The following MSRA variants were observed in gnomAD, a reference collection of about 807,000 sequenced individuals.
MSRA encodes methionine sulfoxide reductase A, also known as mitochondrial peptide methionine sulfoxide reductase.
In MSRA, 54 loss-of-function variants were observed where a neutral mutation model predicts 31.3. The ratio of observed to expected loss-of-function variants is 1.73; its 90% CI spans 1.39 to 2.17. The LOEUF (loss-of-function observed/expected upper bound fraction) is 2.17. Ranked by LOEUF, MSRA falls within the 30% of genes most tolerant of loss-of-function variation. The pLI, the probability that MSRA is intolerant of heterozygous loss-of-function variation, is 0.00. For missense variants in MSRA, 507 were observed against 300.9 expected (o/e 1.69, Z -5.07); for synonymous variants, 169 against 116.5 (o/e 1.45, Z -2.90).
chr8:10,192,241 A>G (rs1401103091), intron 1 of MSRA, among the ~76,000 whole-genome samples: 1 of 152,224 alleles, frequency 6.6e-6, no homozygotes, highest in Non-Finnish European at 1.5e-5. Context: ...TTCGGCCTAC[A>G]CTCAAAGGAA....
chr8:10,327,879 G>C (rs1802454642), intron 5 of MSRA, among the ~76,000 whole-genome samples: 1 of 152,112 alleles, frequency 6.6e-6, no homozygotes, highest in African/African-American at 2.4e-5. Context: ...CTTGCAGTGA[G>C]CTGAGATTGC....
intron 5 of MSRA, among the ~76,000 whole-genome samples, chr8:10,365,499 G>A (rs1462511355): frequency 2.6e-5 from 4 of 152,152 alleles, no homozygotes; most frequent in Non-Finnish European, 2.9e-5. Context: ...AATACCAAAT[G>A]GGTATAAAAA....
chr8:10,104,448 C>G (rs756864708), intron 1 of MSRA, among the ~76,000 whole-genome samples: 1 of 152,096 alleles, frequency 6.6e-6, no homozygotes, highest in Admixed American at 6.6e-5. Flanking sequence ...CATTCAATAC[C>G]TGTAAGATGT....
intron 3 of MSRA, among the ~76,000 whole-genome samples, chr8:10,285,807 C>A (rs549816045): frequency 5.3e-5 from 8 of 152,170 alleles, no homozygotes; most frequent in Non-Finnish European, 1.0e-4. Flanking sequence ...TCTATGTTAT[C>A]TTAAATGACA....
In MSRA at chr8:10,399,642, A is replaced by G. The variant is rs1021157703; in HGVS notation, c.544-28506A>G. Among the ~76,000 whole-genome samples the G allele has an allele frequency of 2.0e-5, 3 of 152,320 alleles. No individual in the cohort carries two copies. In the South Asian group the frequency reaches 6.2e-4, roughly 32 times the overall value. On this transcript the variant is annotated intron_variant, in intron 5 of 5. Coordinates refer to ENST00000317173, the MANE Select transcript of MSRA (RefSeq NM_012331.5). ...CCAATTCAACCTCTTTTCTTTACAA[A>G]TTACCCAGCCTCTGATATTTATTTA... is the stretch of plus-strand genomic sequence containing the variant.
intron 3 of MSRA, among the ~76,000 whole-genome samples, chr8:10,300,259 C>CT (rs924457893): frequency 1.7e-4 from 26 of 148,850 alleles, no homozygotes; most frequent in African/African-American, 3.2e-4. Flanking sequence ...TTTTTTCTTT[C>CT]TTTTTTTTTT....
chr8:10,059,750 A>T (rs1432070993), intron 1 of MSRA, among the ~76,000 whole-genome samples: 2 of 152,330 alleles, frequency 1.3e-5, no homozygotes, highest in East Asian at 1.9e-4. Context: ...TAGGTGAAGG[A>T]CCAATCTTTT....
At chr8:10,220,700 T>G (rs1810411093) in intron 2 of MSRA, among the ~76,000 whole-genome samples, 1 of 152,228 alleles carries the variant, frequency 6.6e-6, no homozygotes, top group African/African-American at 2.4e-5. Flanking sequence ...GCGTCCATCT[T>G]TCTTCCAGCA....
intron 3 of MSRA, among the ~76,000 whole-genome samples, chr8:10,247,668 T>C (rs1036626521): frequency 1.3e-5 from 2 of 152,036 alleles, no homozygotes; most frequent in Admixed American, 6.6e-5. Context: ...AAGTTAACAG[T>C]AGCATTGGGA....
chr8:10,267,276 C>G (rs759242662), intron 3 of MSRA, among the ~76,000 whole-genome samples: 2 of 152,180 alleles, frequency 1.3e-5, no homozygotes, highest in Non-Finnish European at 2.9e-5. Flanking sequence ...CTCTGCCGTT[C>G]ATGACAACAG....
intron 1 of MSRA, among the ~76,000 whole-genome samples, chr8:10,093,715 C>T (rs961235852): frequency 2.0e-5 from 3 of 152,092 alleles, no homozygotes; most frequent in Non-Finnish European, 4.4e-5. Context: ...TATACTTACT[C>T]CTATATTTCT....
intron 5 of MSRA, among the ~76,000 whole-genome samples, chr8:10,358,463 T>C (rs920402957): frequency 6.6e-6 from 1 of 150,910 alleles, no homozygotes; most frequent in Non-Finnish European, 1.5e-5. Flanking sequence ...CAACCCCCGG[T>C]TCTGGCCTAT....
chr8:10,177,775 A>T (rs1284147501), intron 1 of MSRA, among the ~76,000 whole-genome samples: 1 of 152,214 alleles, frequency 6.6e-6, no homozygotes, highest in Non-Finnish European at 1.5e-5. Context: ...TTCTTTAAAA[A>T]CCAGTCTTGG....
intron 5 of MSRA, among the ~76,000 whole-genome samples, chr8:10,409,354 C>G (rs796275011): frequency 1.3e-4 from 20 of 152,146 alleles, no homozygotes; most frequent in African/African-American, 4.6e-4. Flanking sequence ...GCTTGTGGGC[C>G]GTTTGTTTTT....
intron 3 of MSRA, among the ~76,000 whole-genome samples, chr8:10,268,343 T>C (rs892278633): frequency 2.0e-5 from 3 of 152,012 alleles, no homozygotes; most frequent in African/African-American, 7.2e-5. Context: ...TGCTGAAAAA[T>C]GATTTCTAAG....
At chr8:10,093,123 TA>T (rs1563426724) in intron 1 of MSRA, among the ~76,000 whole-genome samples, 1 of 152,168 alleles carries the variant, frequency 6.6e-6, no homozygotes, top group East Asian at 1.9e-4. Flanking sequence ...AATTTTGTTT[TA>T]AAATTTTAAT....
intron 1 of MSRA, among the ~76,000 whole-genome samples, chr8:10,162,081 C>G (rs146402072): frequency 6.6e-6 from 1 of 151,972 alleles, no homozygotes; most frequent in Non-Finnish European, 1.5e-5. Context: ...GAAGCAGGGC[C>G]GTAGGAATTC....
At chr8:10,202,494 T>C (rs997445890) in intron 1 of MSRA, among the ~76,000 whole-genome samples, 6 of 152,246 alleles carry the variant, frequency 3.9e-5, no homozygotes, top group Admixed American at 3.3e-4. Context: ...GTTTTATCCA[T>C]TTAAACCAGC....
intron 1 of MSRA, among the ~76,000 whole-genome samples, chr8:10,132,034 A>G (rs1344513540): frequency 6.6e-6 from 1 of 152,234 alleles, no homozygotes; most frequent in Non-Finnish European, 1.5e-5. Context: ...AAAGGGAAAG[A>G]CAGAGAAGAC....
Sources: allele counts gnomAD v4.1 joint callset (sites outside exome capture counted in the v4.1 genomes callset), GRCh38; gene constraint gnomAD v4.1.1; transcripts MANE v1.5; gene names NCBI Gene and HGNC (gene_info 2026-07-23, HGNC 2026-07-21).